HECTD2: variants seen among roughly 807,000 people sequenced by gnomAD.
HECTD2 encodes the protein HECT domain E3 ubiquitin protein ligase 2.
HECTD2 carries 35 observed loss-of-function variants against 103.2 expected under a neutral mutation model. The observed-to-expected ratio is 0.34, with a 90% CI of 0.26 to 0.45. HECTD2 has a LOEUF of 0.45. HECTD2 is among the 20% of genes least tolerant of loss of function. HECTD2 has a pLI of 1.00. For synonymous variants in HECTD2, 281 were observed against 329.9 expected, an observed-to-expected ratio of 0.85 and a Z score of 1.61; for missense variants, 596 against 937.4, an observed-to-expected ratio of 0.64 and a Z score of 4.76.
In HECTD2 at chr10:91,490,410, A is replaced by G. The variant is rs116611263; in HGVS notation, c.1192-790A>G. On this transcript the variant is annotated intron_variant, in intron 11 of 20. Transcript: ENST00000298068. The stretch of plus-strand genomic sequence containing the variant: ...TGGAAGGATTATTGGGATAAAGGAT[A>G]TGAATATTGTGATGGTCTTTGATAC... Among the ~76,000 whole-genome samples, 361 of 152,334 alleles carry G rather than the reference A, an allele frequency of 2.4e-3. 2 individuals are homozygous for G. Among genetic ancestry groups the G allele is most frequent in the African/African-American group, 8.3e-3 (347 of 41,582 alleles).
At chr10:91,439,349 A>T (rs1001384914) in intron 2 of HECTD2, among the ~76,000 whole-genome samples, 3 of 151,972 alleles carry the variant, frequency 2.0e-5, no homozygotes, top group Non-Finnish European at 4.4e-5. Context: ...TTCCCCATTG[A>T]TTGTTTTTGT....
In HECTD2 at chr10:91,496,373, G is replaced by A; in HGVS notation, c.1680+1G>A. 1.2e-6 allele frequency: 2 copies of A among 1,602,136 alleles called. No individual in the cohort carries two copies. The highest frequency in any genetic ancestry group is 1.7e-6 in the Non-Finnish European group (2 of 1,171,680). ...GGACGACTTATGTCAAATTATGCCT[G>A]TAAGTATAAAGTTATTAATATCTTG... On this transcript the variant is annotated splice_donor_variant, in intron 15 of 20. Transcript: ENST00000298068. LOFTEE classifies it high-confidence loss of function.
At chr10:91,504,023 A>G (rs1350325780) in intron 20 of HECTD2, among the ~76,000 whole-genome samples, 2 of 152,078 alleles carry the variant, frequency 1.3e-5, no homozygotes, top group Non-Finnish European at 2.9e-5. Flanking sequence ...GCACACTGAC[A>G]CCTCACACTG....
At chr10:91,500,387 T>G in intron 18 of HECTD2, 115 bp from the exon 19 acceptor site, 2 of 490,834 alleles carry the variant, frequency 4.1e-6, no homozygotes, top group Non-Finnish European at 7.3e-6. Context: ...ACAAAAATGG[T>G]TTGATTTACT....
At chr10:91,492,085 A>G (rs1246693344) in intron 12 of HECTD2, among the ~76,000 whole-genome samples, 3 of 152,150 alleles carry the variant, frequency 2.0e-5, no homozygotes, top group Non-Finnish European at 4.4e-5. Context: ...ATATTGTGCT[A>G]AATTAAAAAT....
chr10:91,486,740 A>G (rs1846280558), intron 10 of HECTD2: 1 of 152,080 alleles, frequency 6.6e-6, no homozygotes. Context: ...TTTATTTCCA[A>G]TTTTTTGTTA....
At chr10:91,412,668 A>G (rs913025194) in intron 1 of HECTD2, among the ~76,000 whole-genome samples, 179 of 147,264 alleles carry the variant, frequency 1.2e-3, no homozygotes, top group Non-Finnish European at 1.9e-3. Context: ...CTGTGGCAGA[A>G]TGTGTGTGTG....
At chr10:91,410,287 C>A, upstream of HECTD2, 1 of 225,156 alleles carries the variant, frequency 4.4e-6, no homozygotes, top group Non-Finnish European at 7.4e-6. Flanking sequence ...CGCGCAAAGG[C>A]GCGGGCGCGG....
At chr10:91,458,463 C>G (rs1845205452) in intron 2 of HECTD2, among the ~76,000 whole-genome samples, 1 of 151,854 alleles carries the variant, frequency 6.6e-6, no homozygotes, top group Non-Finnish European at 1.5e-5. Context: ...GGCGGAAGAA[C>G]TGGAATGGGT....
chr10:91,415,328 G>T (rs557042074), intron 1 of HECTD2, among the ~76,000 whole-genome samples: 1 of 151,858 alleles, frequency 6.6e-6, no homozygotes, highest in South Asian at 2.1e-4. Context: ...AGGTGAGATG[G>T]GAAAGAATGA....
At chr10:91,508,298 T>C (rs1847276176) in intron 20 of HECTD2, among the ~76,000 whole-genome samples, 1 of 142,062 alleles carries the variant, frequency 7.0e-6, no homozygotes, top group South Asian at 2.3e-4. Context: ...AAAGAGCTTC[T>C]GCACAGCAAA....
chr10:91,469,318 CA>C (rs2133232489), intron 5 of HECTD2, among the ~76,000 whole-genome samples: 1 of 152,186 alleles, frequency 6.6e-6, no homozygotes, highest in Non-Finnish European at 1.5e-5. Context: ...TCTCCAAAGT[CA>C]AAATGAATGA....
At chr10:91,486,922 T>C (rs1371564683) in intron 10 of HECTD2, 1 of 152,166 alleles carries the variant, frequency 6.6e-6, no homozygotes, top group African/African-American at 2.4e-5. Context: ...CTGACTATGC[T>C]CAGAGGGATT....
intron 5 of HECTD2, among the ~76,000 whole-genome samples, chr10:91,475,033 G>A (rs958475717): frequency 6.6e-6 from 1 of 152,168 alleles, no homozygotes; most frequent in African/African-American, 2.4e-5. Flanking sequence ...GTGAATTTGG[G>A]AGAAAGGAGA....
At chr10:91,482,089 C>T (rs917041276) in intron 7 of HECTD2, among the ~76,000 whole-genome samples, 3 of 151,654 alleles carry the variant, frequency 2.0e-5, no homozygotes, top group Admixed American at 6.6e-5. Flanking sequence ...AAAGATGACA[C>T]GAAGCTCAGA....
At chr10:91,410,690 C>T (rs1332300805) in intron 1 of HECTD2, 114 bp downstream of exon 1, 7 of 989,130 alleles carry the variant, frequency 7.1e-6, no homozygotes, top group Non-Finnish European at 5.3e-6. Flanking sequence ...CCCTGGCACT[C>T]CAGGGAGACG....
intron 15 of HECTD2, among the ~76,000 whole-genome samples, chr10:91,497,016 G>C (rs1309843991): frequency 6.7e-6 from 1 of 149,954 alleles, no homozygotes; most frequent in Non-Finnish European, 1.5e-5. Context: ...CTGGAGTGCA[G>C]TGGCTCCACC....
intron 20 of HECTD2, among the ~76,000 whole-genome samples, chr10:91,502,173 C>T (rs948243495): frequency 6.6e-6 from 1 of 152,100 alleles, no homozygotes; most frequent in African/African-American, 2.4e-5. Flanking sequence ...GTTCTAGAAT[C>T]CAGAGACTGT....
rs1306651679 is a variant in HECTD2, at chr10:91,420,298, AAATC to A, written c.139-4981_139-4978del. On this transcript the variant is annotated intron_variant, in intron 1 of 20. Transcript: ENST00000298068. ...ATGATTACAAAAAAAAAAAAAAAGA[AAATC>A]AGGCTGGGTGCAGTGGCTCACATTT... Among the ~76,000 whole-genome samples, 8 of 152,036 alleles carry A rather than the reference AAATC, an allele frequency of 5.3e-5. No individual in the cohort carries two copies. The East Asian group carries it at 1.5e-3, about 29-fold the overall frequency.
Sources: gnomAD v4.1 joint callset for allele counts (sites outside exome capture counted in the v4.1 genomes callset) on GRCh38, gnomAD v4.1.1 for gene constraint, MANE v1.5 for transcripts, NCBI Gene and HGNC (gene_info 2026-07-23, HGNC 2026-07-21) for gene names.